The following SYNE1 variants were observed in gnomAD, a reference collection of about 807,000 sequenced individuals.
SYNE1 encodes the protein spectrin repeat containing nuclear envelope protein 1, also known as nesprin-1.
Under a neutral mutation model 1,111.0 loss-of-function variants are expected in SYNE1, and 616 were observed. That is an observed-to-expected ratio of 0.55 (90% CI 0.52 to 0.59). The LOEUF is 0.59. SYNE1 is among the 20% of genes least tolerant of loss of function. The pLI is 0.00. For synonymous variants in SYNE1, 3,855 were observed against 3,825.8 expected (o/e 1.01, Z -0.28); for missense variants, 10,006 against 10,417.0 (o/e 0.96, Z 1.72).
Position 152,247,857 on chromosome 6 carries a change from C to T in SYNE1, c.19572+1304G>A, listed in dbSNP as rs2087833596. Among the ~76,000 whole-genome samples, 2 of 21,840 alleles carry T rather than the reference C, an allele frequency of 9.2e-5. 1 individual carries two copies. 14.3% of individuals were successfully genotyped at this position (21,840 alleles called of 152,430 possible). A position where few individuals can be genotyped will look rare whatever the true frequency, so the allele number is the denominator to read the frequency against. On this transcript the variant is annotated intron_variant, in intron 105 of 145. Coordinates refer to ENST00000367255, the MANE Select transcript of SYNE1 (RefSeq NM_182961.4). ...AACTATTTTGAGAGGTGTTCTTTAA[C>T]ACACACACACACACACACACACACA...
At chr6:152,240,293 A>AAAAC (rs71017529) in intron 107 of SYNE1, among the ~76,000 whole-genome samples, 97,884 of 150,408 alleles carry the variant, frequency 0.65, 32,440 homozygotes, top group East Asian at 0.83. Flanking sequence ...ACTCCATCTC[A>AAAAC]AAACAAACAA....
chr6:152,372,818 T>C (rs2097211810), intron 59 of SYNE1, among the ~76,000 whole-genome samples: 1 of 152,158 alleles, frequency 6.6e-6, no homozygotes, highest in African/African-American at 2.4e-5. Context: ...TCAGTGACAA[T>C]AGACCCTAAC....
chr6:152,321,380 G>A lies in SYNE1; in HGVS notation c.16094C>T (p.Thr5365Ile), dbSNP rs1273141730. 19 of 1,613,606 alleles carry A rather than the reference G, an allele frequency of 1.2e-5. No individual in the cohort carries two copies. The Admixed American group carries it at 3.0e-4, about 25-fold the overall frequency. Residue 5365 changes from threonine to isoleucine, a missense_variant, in exon 84 of 146, where the codon ACA (threonine) becomes ATA (isoleucine). By Grantham distance (89) the Thr-to-Ile change is moderately conservative. Around this residue, in one of 7 missense-constraint regions of SYNE1, gnomAD observed 4,955 missense variants for 5,017.2 expected, o/e 0.99. Coordinates refer to ENST00000367255, the MANE Select transcript of SYNE1 (RefSeq NM_182961.4). Reference protein sequence around the residue: ...AQLEELQILLTEATNHRQNIE... With the variant: ...AQLEELQILLIEATNHRQNIE... ...GTTCTGTCGGTGATTTGTGGCTTCT[G>A]TTAGGAGAATCTGAAGAAAAGATCA...
At chr6:152,139,621 A>T (rs573209874) in intron 140 of SYNE1, among the ~76,000 whole-genome samples, 3 of 148,378 alleles carry the variant, frequency 2.0e-5, no homozygotes, top group African/African-American at 7.5e-5. Flanking sequence ...GGAGAGAGGA[A>T]GGAAGGAAGG....
At chr6:152,161,823 T>C (rs2062569327) in intron 131 of SYNE1, among the ~76,000 whole-genome samples, 1 of 152,144 alleles carries the variant, frequency 6.6e-6, no homozygotes, top group Non-Finnish European at 1.5e-5. Context: ...TTGAAGGTAC[T>C]TTTTGCTTGT....
At chr6:152,562,233 G>T (rs758368053) in intron 3 of SYNE1, among the ~76,000 whole-genome samples, 2 of 152,076 alleles carry the variant, frequency 1.3e-5, no homozygotes, top group East Asian at 1.9e-4. Flanking sequence ...CAAAGAAAAC[G>T]GGCAAAGGAC....
intron 95 of SYNE1, among the ~76,000 whole-genome samples, chr6:152,289,782 A>G (rs1425818516): frequency 6.6e-6 from 1 of 152,078 alleles, no homozygotes; most frequent in Admixed American, 6.5e-5. Flanking sequence ...GCCCACCACC[A>G]TGCCTGGCTA....
intron 45 of SYNE1, among the ~76,000 whole-genome samples, chr6:152,405,661 C>A (rs569065129): frequency 6.6e-6 from 1 of 152,244 alleles, no homozygotes; most frequent in Non-Finnish European, 1.5e-5. Flanking sequence ...TTGACTTTTG[C>A]AAGCTGGTAT....
At chr6:152,507,247 T>C (rs1339034344) in intron 8 of SYNE1, among the ~76,000 whole-genome samples, 1 of 152,206 alleles carries the variant, frequency 6.6e-6, no homozygotes. Flanking sequence ...CTCAAATTAG[T>C]TTTTAACAAA....
chr6:152,430,100 GC>G lies in SYNE1; in HGVS notation c.4788+11del. The G allele has an allele frequency of 6.5e-7, 1 of 1,532,852 alleles. No homozygotes were observed. The highest frequency in any genetic ancestry group is 9.0e-7 in the Non-Finnish European group (1 of 1,113,046). The allele number at this position is 1,532,852 out of a possible 1,614,324, so 95.0% of individuals were successfully genotyped here. ...GTTGGTAAATAGTAGAAATGTTGAAGCATACTCTTACCATATGTTCTTGAAG... is the reference window on the plus strand; with the variant it reads ...GTTGGTAAATAGTAGAAATGTTGAAGATACTCTTACCATATGTTCTTGAAG... On this transcript the variant is annotated intron_variant, in intron 36 of 145. Transcript: ENST00000367255.
At chr6:152,188,482 T>G (rs1022703084) in intron 128 of SYNE1, among the ~76,000 whole-genome samples, 1 of 152,118 alleles carries the variant, frequency 6.6e-6, no homozygotes, top group African/African-American at 2.4e-5. Context: ...TAAAAATAAA[T>G]GAATATAAAT....
At chr6:152,481,912 A>T (rs1302571436) in intron 14 of SYNE1, among the ~76,000 whole-genome samples, 1 of 151,748 alleles carries the variant, frequency 6.6e-6, no homozygotes, top group African/African-American at 2.4e-5. Flanking sequence ...AAGACCCCAA[A>T]GTCATGCTTG....
chr6:152,520,021 A>G (rs1355759262), intron 6 of SYNE1, among the ~76,000 whole-genome samples: 2 of 152,184 alleles, frequency 1.3e-5, no homozygotes, highest in African/African-American at 4.8e-5. Context: ...AGCAGTTATC[A>G]AAAGTGTCAA....
chr6:152,430,699 T>A lies in SYNE1; in HGVS notation c.4472A>T (p.Gln1491Leu). The A allele has an allele frequency of 6.2e-7, 1 of 1,614,000 alleles. No individual in the cohort carries two copies. Among genetic ancestry groups the A allele is most frequent in the Non-Finnish European group, 8.5e-7 (1 of 1,179,922 alleles). The change falls in exon 35 of 146, where the codon CAG (glutamine) becomes CTG (leucine). Residue 1491 changes from glutamine to leucine, a missense_variant. Gln to Leu is a moderately radical substitution (Grantham distance 113, BLOSUM62 -2). Transcript: ENST00000367255. ...GCTGCTGAGCTTACTTTCTATTTCC[T>A]GAATTGTGACCTAATAGTTAAAACA... ...MQISQIKVTI[Q>L]EIESKLSSIV...
chr6:152,359,859 G>A (rs763615130), intron 64 of SYNE1, among the ~76,000 whole-genome samples: 1 of 146,076 alleles, frequency 6.8e-6, no homozygotes, highest in Non-Finnish European at 1.5e-5. Flanking sequence ...CCACCCAGAC[G>A]GTCAACCCAG....
chr6:152,151,729 T>C, intron 134 of SYNE1, 39 bp from the exon 135 acceptor site: 2 of 1,600,574 alleles, frequency 1.2e-6, no homozygotes, highest in South Asian at 2.2e-5. Flanking sequence ...TTATTTTTAT[T>C]AAAAGTCCTT....
At position 152,151,524 on chromosome 6, in the gene SYNE1, CT is replaced by C. The variant is rs1440091991; in HGVS notation, c.24450+28del. On this transcript the variant is annotated intron_variant, in intron 135 of 145. Transcript: ENST00000367255. ...TCCTTTCATTTTCAGGCTTTCTTCA[CT>C]TTGGTAACTTGAAAAATAATCTATT... 3 of 1,613,154 alleles carry C rather than the reference CT, an allele frequency of 1.9e-6. No individual in the cohort carries two copies. In the Admixed American group the frequency reaches 5.0e-5, roughly 27 times the overall value.
Position 152,169,958 on chromosome 6 carries a change from A to G in SYNE1, c.23628-5633T>C, listed in dbSNP as rs1444219686. On this transcript the variant is annotated intron_variant, in intron 130 of 145. Coordinates refer to ENST00000367255, the MANE Select transcript of SYNE1 (RefSeq NM_182961.4). ...GTAATCAGAAATGAAAATATTTTAA[A>G]CTTTGATTAAAGAAATATATTGGTT... is the stretch of plus-strand genomic sequence containing the variant. Among the ~76,000 whole-genome samples the G allele has an allele frequency of 2.0e-5, 3 of 152,248 alleles. No homozygotes were observed. The East Asian group carries it at 5.8e-4, about 29-fold the overall frequency.
intron 131 of SYNE1, among the ~76,000 whole-genome samples, chr6:152,162,862 C>A (rs1398529244): frequency 6.6e-6 from 1 of 151,766 alleles, no homozygotes; most frequent in Non-Finnish European, 1.5e-5. Flanking sequence ...CACATATGTA[C>A]AATTACTATA....
Sources: allele counts gnomAD v4.1 joint callset (sites outside exome capture counted in the v4.1 genomes callset), GRCh38; gene constraint gnomAD v4.1.1; regional missense constraint gnomAD v4.1.1; transcripts MANE v1.5; gene names NCBI Gene and HGNC (gene_info 2026-07-23, HGNC 2026-07-21).